The following DPP6 variants were observed in gnomAD, a reference collection of about 807,000 sequenced individuals.
The protein encoded by DPP6 is dipeptidyl peptidase like 6.
DPP6 carries 69 observed loss-of-function variants against 122.6 expected under a neutral mutation model. That is an observed-to-expected ratio of 0.56 (90% CI 0.46 to 0.69). DPP6 has a LOEUF of 0.69. Ranked by LOEUF, DPP6 falls within the 30% of genes least tolerant of loss-of-function variation. The pLI is 0.00. For missense variants in DPP6, 928 were observed against 1,116.9 expected (o/e 0.83, Z 2.41); for synonymous variants, 418 against 433.1 (o/e 0.97, Z 0.43).
At chr7:153,776,551 G>C in the DPP6 span, among the ~76,000 whole-genome samples, 1 of 152,112 alleles carries the variant, frequency 6.6e-6, no homozygotes, top group African/African-American at 2.4e-5. Flanking sequence ...CCAGTCCTGG[G>C]TATGTCTTTG....
chr7:154,645,556 G>A (rs554589806), intron 6 of DPP6, among the ~76,000 whole-genome samples: 13 of 152,038 alleles, frequency 8.6e-5, no homozygotes, highest in Non-Finnish European at 1.8e-4. Flanking sequence ...AGGAGATCTG[G>A]GCGTAAATCC....
In DPP6 at chr7:154,743,173, C is replaced by T. The variant is rs141924075; in HGVS notation, c.883+15286C>T. ...TCGGGCTCAGCTCTTTTATCTCCAG[C>T]GCATTTTGGATGTGGCTTCTCTTTC... is the stretch of plus-strand genomic sequence containing the variant. On this transcript the variant is annotated intron_variant, in intron 8 of 25. Transcript: ENST00000377770. 4.1e-3 allele frequency among the ~76,000 whole-genome samples: 617 copies of T among 152,246 alleles called. 2 individuals carry two copies. Among genetic ancestry groups the T allele is most frequent in the African/African-American group, 0.014 (564 of 41,542 alleles).
chr7:154,244,879 T>C (rs1801871481), intron 1 of DPP6, among the ~76,000 whole-genome samples: 1 of 151,662 alleles, frequency 6.6e-6, no homozygotes, highest in South Asian at 2.1e-4. Context: ...AGATGCAAAT[T>C]AATTAAACAT....
intron 1 of DPP6, among the ~76,000 whole-genome samples, chr7:153,908,091 A>G (rs1799928910): frequency 6.7e-6 from 1 of 148,890 alleles, no homozygotes; most frequent in Admixed American, 6.8e-5. Context: ...ACATTGATAC[A>G]ATTCTTTTTT....
intron 3 of DPP6, among the ~76,000 whole-genome samples, chr7:154,522,274 T>C (rs1040442041): frequency 2.6e-5 from 4 of 152,162 alleles, no homozygotes; most frequent in Non-Finnish European, 2.9e-5. Context: ...ACGCCTGGCC[T>C]CATTCTTATT....
At chr7:154,785,799 T>C (rs1420659566) in intron 10 of DPP6, among the ~76,000 whole-genome samples, 3 of 152,256 alleles carry the variant, frequency 2.0e-5, no homozygotes, top group Non-Finnish European at 4.4e-5. Flanking sequence ...TCTTTCATGA[T>C]AGAGCTAAGG....
intron 7 of DPP6, among the ~76,000 whole-genome samples, chr7:154,716,308 T>C (rs1169673479): frequency 1.3e-5 from 2 of 152,204 alleles, no homozygotes; most frequent in East Asian, 3.8e-4. Context: ...TCCCATAGCC[T>C]GACCTGTCCC....
chr7:154,335,389 T>G lies in DPP6; in HGVS notation c.244-110825T>G, dbSNP rs1268633061. Among the ~76,000 whole-genome samples, 8 of 152,232 alleles carry G rather than the reference T, an allele frequency of 5.3e-5. No individual in the cohort carries two copies. The South Asian group carries it at 1.2e-3, about 24-fold the overall frequency. Reference sequence around the variant, plus strand: ...GTACTTATTTCACCTAACAAATACCTAACAAATATTGATATTTTGCCACTT... The same window carrying G: ...GTACTTATTTCACCTAACAAATACCGAACAAATATTGATATTTTGCCACTT... On this transcript the variant is annotated intron_variant, in intron 1 of 25. Transcript: ENST00000377770.
chr7:154,233,049 A>T (rs1801005481), intron 1 of DPP6, among the ~76,000 whole-genome samples: 1 of 152,228 alleles, frequency 6.6e-6, no homozygotes, highest in Non-Finnish European at 1.5e-5. Flanking sequence ...TCATGCTTAA[A>T]ATTATTTCAC....
intron 1 of DPP6, among the ~76,000 whole-genome samples, chr7:154,347,970 G>A (rs531842122): frequency 1.1e-4 from 16 of 152,198 alleles, no homozygotes; most frequent in Admixed American, 7.2e-4. Flanking sequence ...CTTTGAAAAC[G>A]TTGAAATCAT....
intron 1 of DPP6, among the ~76,000 whole-genome samples, chr7:154,320,992 T>C (rs1157469786): frequency 6.6e-6 from 1 of 152,148 alleles, no homozygotes; most frequent in Non-Finnish European, 1.5e-5. Context: ...ATAAGAATAT[T>C]CATATTTAAC....
At chr7:154,186,845 T>A (rs1349907541) in intron 1 of DPP6, among the ~76,000 whole-genome samples, 2 of 152,244 alleles carry the variant, frequency 1.3e-5, no homozygotes, top group Non-Finnish European at 2.9e-5. Context: ...AATAATTTTT[T>A]AAAAAATCAG....
intron 1 of DPP6, among the ~76,000 whole-genome samples, chr7:153,997,437 A>G (rs1261604452): frequency 6.6e-6 from 1 of 151,964 alleles, no homozygotes; most frequent in African/African-American, 2.4e-5. Flanking sequence ...TAAATAACAC[A>G]CAGTTTCTAT....
chr7:154,374,901 C>T (rs1424172350), intron 1 of DPP6, among the ~76,000 whole-genome samples: 2 of 152,312 alleles, frequency 1.3e-5, no homozygotes, highest in Non-Finnish European at 2.9e-5. Flanking sequence ...CGTGAGCCAC[C>T]GCGCCCGGCC....
At chr7:154,246,548 G>T (rs1447324606) in intron 1 of DPP6, among the ~76,000 whole-genome samples, 1 of 152,116 alleles carries the variant, frequency 6.6e-6, no homozygotes, top group Non-Finnish European at 1.5e-5. Flanking sequence ...TCTAAAATTT[G>T]CATAGGAATT....
chr7:154,417,213 G>A (rs147473650), intron 1 of DPP6, among the ~76,000 whole-genome samples: 2 of 152,210 alleles, frequency 1.3e-5, no homozygotes, highest in Non-Finnish European at 1.5e-5. Context: ...AGACTGACTC[G>A]CTGACATGGA....
chr7:154,600,376 G>T (rs1212815490), intron 5 of DPP6, among the ~76,000 whole-genome samples: 1 of 120,412 alleles, frequency 8.3e-6, no homozygotes, highest in African/African-American at 2.6e-5. Flanking sequence ...TGATCCACCT[G>T]CCTTGGCCTC....
the DPP6 span, among the ~76,000 whole-genome samples, chr7:153,752,653 G>T: frequency 7.3e-6 from 1 of 137,826 alleles, no homozygotes; most frequent in Non-Finnish European, 1.5e-5. Context: ...TATGGGCTTT[G>T]CAGTGAGACA....
chr7:154,635,590 G>A (rs1183363571), intron 5 of DPP6, among the ~76,000 whole-genome samples: 2 of 152,216 alleles, frequency 1.3e-5, no homozygotes, highest in African/African-American at 4.8e-5. Flanking sequence ...CCCAAACTCA[G>A]TGGCTTAAGA....
Sources: allele counts gnomAD v4.1 joint callset (sites outside exome capture counted in the v4.1 genomes callset), GRCh38; gene constraint gnomAD v4.1.1; transcripts MANE v1.5; gene names NCBI Gene and HGNC (gene_info 2026-07-23, HGNC 2026-07-21).